ARFIP1: variants seen among roughly 807,000 people sequenced by gnomAD.
ARFIP1 encodes the protein ARF interacting protein 1, also known as arfaptin-1.
Under a neutral mutation model 42.5 loss-of-function variants are expected in ARFIP1, and 24 were observed. The observed-to-expected ratio is 0.57, with a 90% CI of 0.41 to 0.80. The LOEUF (loss-of-function observed/expected upper bound fraction) is 0.80. Ranked by LOEUF, ARFIP1 falls within the 30% of genes least tolerant of loss-of-function variation. The pLI is 0.00. For missense variants in ARFIP1, 354 were observed against 434.0 expected (o/e 0.82, Z 1.64); for synonymous variants, 141 against 153.7 (o/e 0.92, Z 0.61).
rs1033016552 is a variant in ARFIP1 at position 152,910,749 on chromosome 4, T to C, written c.*530T>C. 3 of 152,306 alleles carry C rather than the reference T, an allele frequency of 2.0e-5. No homozygotes were observed. The highest frequency in any genetic ancestry group is 4.4e-5 in the Non-Finnish European group (3 of 68,036). 9.4% of individuals were successfully genotyped at this position (152,306 alleles called of 1,614,324 possible). A position where few individuals can be genotyped will look rare whatever the true frequency, so the allele number is the denominator to read the frequency against. On this transcript the variant is annotated 3_prime_UTR_variant, in exon 9 of 9. Coordinates refer to ENST00000353617, the MANE Select transcript of ARFIP1 (RefSeq NM_001025595.3). Reference sequence around the variant, plus strand: ...CAGAGGCAGCAGCTCTAATGAATGATTAGCTTGTGGAGTTGTGGCAAATAC... The same window carrying C: ...CAGAGGCAGCAGCTCTAATGAATGACTAGCTTGTGGAGTTGTGGCAAATAC...
At chr4:152,875,666 A>G (rs911829730) in intron 5 of ARFIP1, among the ~76,000 whole-genome samples, 10 of 150,248 alleles carry the variant, frequency 6.7e-5, no homozygotes, top group East Asian at 3.9e-4. Flanking sequence ...GTATCTGTCA[A>G]TTGTTGCCAT....
rs139298641 is a variant in ARFIP1, at chr4:152,833,678, C to T, written c.93+3952C>T. Among the ~76,000 whole-genome samples the T allele has an allele frequency of 5.8e-4, 89 of 152,184 alleles. 1 individual carries two copies. Among genetic ancestry groups the T allele is most frequent in the African/African-American group, 2.0e-3 (84 of 41,522 alleles). ...CATACACATACACCCACAGACAATG[C>T]GATATCATTCAAGCTCTATTAAAAA... On this transcript the variant is annotated intron_variant, in intron 2 of 8. Transcript: ENST00000353617.
At chr4:152,845,893 G>T (rs1002559564) in intron 2 of ARFIP1, among the ~76,000 whole-genome samples, 1 of 152,126 alleles carries the variant, frequency 6.6e-6, no homozygotes, top group East Asian at 1.9e-4. Context: ...ACATGCACTT[G>T]TATGTTCATC....
intron 1 of ARFIP1, among the ~76,000 whole-genome samples, chr4:152,795,820 A>ATTTTTTTT (rs56845391): frequency 0.015 from 431 of 28,010 alleles, 28 homozygotes; most frequent in African/African-American, 0.018. Flanking sequence ...GGCCCTTGTA[A>ATTTTTTTT]TTTTTTTTTT....
intron 2 of ARFIP1, among the ~76,000 whole-genome samples, chr4:152,838,510 G>C (rs186683089): frequency 9.9e-5 from 15 of 151,014 alleles, no homozygotes; most frequent in Non-Finnish European, 8.9e-5. Flanking sequence ...AGTATATTCC[G>C]AAGTATTTTT....
chr4:152,850,219 A>G (rs1408459649), intron 2 of ARFIP1, among the ~76,000 whole-genome samples: 1 of 152,212 alleles, frequency 6.6e-6, no homozygotes, highest in Non-Finnish European at 1.5e-5. Flanking sequence ...CTACCATAAC[A>G]TTAGTGGACT....
chr4:152,813,124 C>T (rs1246451991), intron 1 of ARFIP1, among the ~76,000 whole-genome samples: 1 of 152,006 alleles, frequency 6.6e-6, no homozygotes, highest in East Asian at 1.9e-4. Context: ...GGGGGAAAAA[C>T]AATAAAAAAT....
intron 1 of ARFIP1, among the ~76,000 whole-genome samples, chr4:152,809,921 A>C (rs1353524556): frequency 3.3e-5 from 5 of 152,222 alleles, no homozygotes; most frequent in Admixed American, 3.3e-4. Flanking sequence ...TTCTCCTTTA[A>C]CATGATTGTG....
chr4:152,840,045 AT>A (rs1242074875), intron 2 of ARFIP1, among the ~76,000 whole-genome samples: 1 of 152,076 alleles, frequency 6.6e-6, no homozygotes, highest in Admixed American at 6.5e-5. Flanking sequence ...ATTTCCATGT[AT>A]TTGCATGGTA....
intron 2 of ARFIP1, among the ~76,000 whole-genome samples, chr4:152,860,547 C>T (rs551944760): frequency 2.0e-5 from 3 of 152,120 alleles, no homozygotes; most frequent in African/African-American, 7.2e-5. Flanking sequence ...TTGAACCTAC[C>T]GTAATATAAA....
chr4:152,900,275 T>C (rs1440856634), intron 8 of ARFIP1, among the ~76,000 whole-genome samples: 1 of 152,166 alleles, frequency 6.6e-6, no homozygotes, highest in African/African-American at 2.4e-5. Flanking sequence ...ACTCAGAATG[T>C]TAATGTATGT....
chr4:152,837,531 A>G (rs1731751680), intron 2 of ARFIP1, among the ~76,000 whole-genome samples: 2 of 152,126 alleles, frequency 1.3e-5, no homozygotes, highest in Non-Finnish European at 2.9e-5. Flanking sequence ...TCATTTAGTG[A>G]TGTTGAGCAT....
chr4:152,912,233 A>T lies in ARFIP1; in HGVS notation c.*2014A>T, dbSNP rs1236118692. 1.3e-5 allele frequency: 2 copies of T among 152,190 alleles called. No individual in the cohort carries two copies. Among genetic ancestry groups the T allele is most frequent in the African/African-American group, 4.8e-5 (2 of 41,460 alleles). The allele number at this position is 152,190 out of a possible 1,614,324, so 9.4% of individuals were successfully genotyped here. On this transcript the variant is annotated 3_prime_UTR_variant, in exon 9 of 9. Coordinates refer to ENST00000353617, the MANE Select transcript of ARFIP1 (RefSeq NM_001025595.3). ...AAAAAGTAAATCAATATATTTAGCC[A>T]ATGGTACATTTACTTTGTTAGGAAT...
chr4:152,905,854 A>G (rs544632617), intron 8 of ARFIP1, among the ~76,000 whole-genome samples: 166 of 152,212 alleles, frequency 1.1e-3, no homozygotes, highest in Non-Finnish European at 2.0e-3. Context: ...TGCCTGGCCA[A>G]GAATTCTTTA....
intron 7 of ARFIP1, 89 bp from the exon 8 acceptor site, chr4:152,888,044 A>G: frequency 1.0e-6 from 1 of 976,710 alleles, no homozygotes. Flanking sequence ...ATTGTATAGT[A>G]TGAGACTGAA....
At chr4:152,881,227 T>TA (rs1215777620) in intron 6 of ARFIP1, 43 bp downstream of exon 6, 2 of 1,412,424 alleles carry the variant, frequency 1.4e-6, no homozygotes, top group Non-Finnish European at 2.0e-6. Context: ...GAGAAAATGA[T>TA]AATAGAAGTA....
intron 3 of ARFIP1, among the ~76,000 whole-genome samples, chr4:152,868,581 A>G (rs1303921287): frequency 1.3e-5 from 2 of 152,194 alleles, no homozygotes. Context: ...TTGAAAATTT[A>G]CATATCATTT....
intron 2 of ARFIP1, among the ~76,000 whole-genome samples, chr4:152,861,222 G>C (rs1351149662): frequency 6.6e-6 from 1 of 152,180 alleles, no homozygotes; most frequent in Non-Finnish European, 1.5e-5. Context: ...TAGTCCCAGA[G>C]AGTCCTCCAA....
At chr4:152,877,738 G>C (rs186215281) in intron 5 of ARFIP1, among the ~76,000 whole-genome samples, 4 of 152,272 alleles carry the variant, frequency 2.6e-5, no homozygotes, top group Non-Finnish European at 4.4e-5. Context: ...CCCAGGGAGA[G>C]GTAATTGAAT....
Sources: gnomAD v4.1 joint callset for allele counts (sites outside exome capture counted in the v4.1 genomes callset) on GRCh38, gnomAD v4.1.1 for gene constraint, MANE v1.5 for transcripts, NCBI Gene and HGNC (gene_info 2026-07-23, HGNC 2026-07-21) for gene names.